MINDY3: variants seen among roughly 807,000 people sequenced by gnomAD.
MINDY3 encodes the protein ubiquitin carboxyl-terminal hydrolase MINDY-3.
Under a neutral mutation model 69.2 loss-of-function variants are expected in MINDY3, and 38 were observed. That is an observed-to-expected ratio of 0.55 (90% confidence interval 0.42 to 0.72). MINDY3 has a LOEUF of 0.72. Ranked by LOEUF, MINDY3 falls within the 30% of genes least tolerant of loss-of-function variation. The pLI, the probability that MINDY3 is intolerant of heterozygous loss-of-function variation, is 0.00. For missense variants in MINDY3, 522 were observed against 519.0 expected (o/e 1.01, Z -0.06); for synonymous variants, 192 against 180.1 (o/e 1.07, Z -0.53).
At chr10:15,845,853 C>T (rs1348918589) in intron 2 of MINDY3, among the ~76,000 whole-genome samples, 9 of 92,822 alleles carry the variant, frequency 9.7e-5, no homozygotes, top group African/African-American at 4.0e-4. Context: ...GACAGAGTTT[C>T]ACTCTTTCAC....
chr10:15,828,897 G>A (rs562966030), intron 8 of MINDY3, among the ~76,000 whole-genome samples: 10 of 152,280 alleles, frequency 6.6e-5, no homozygotes, highest in Admixed American at 3.3e-4. Context: ...ATAGTTACTC[G>A]TTGAAAATCC....
intron 10 of MINDY3, among the ~76,000 whole-genome samples, chr10:15,804,952 C>T (rs767472575): frequency 7.9e-5 from 12 of 152,092 alleles, no homozygotes; most frequent in Non-Finnish European, 1.6e-4. Context: ...CAATCTGTGT[C>T]GTATGGGCAG....
At chr10:15,840,435 G>A (rs1833388255) in intron 4 of MINDY3, among the ~76,000 whole-genome samples, 1 of 151,598 alleles carries the variant, frequency 6.6e-6, no homozygotes, top group Admixed American at 6.6e-5. Flanking sequence ...CAGGCTTAAG[G>A]CATTTTAACT....
chr10:15,852,575 T>A (rs1403795103), intron 1 of MINDY3, among the ~76,000 whole-genome samples: 2 of 152,076 alleles, frequency 1.3e-5, no homozygotes, highest in African/African-American at 4.8e-5. Context: ...ACTGAGCTCC[T>A]AGAAAGGAAA....
chr10:15,787,943 C>T (rs561492846), intron 12 of MINDY3, among the ~76,000 whole-genome samples: 16 of 152,134 alleles, frequency 1.1e-4, no homozygotes, highest in Middle Eastern at 3.4e-3. Flanking sequence ...TACTTCAGTC[C>T]AATCTTTCAA....
At chr10:15,824,453 C>G (rs1464316860) in intron 8 of MINDY3, among the ~76,000 whole-genome samples, 1 of 152,042 alleles carries the variant, frequency 6.6e-6, no homozygotes, top group Admixed American at 6.6e-5. Context: ...ACATGAAAAA[C>G]ATTGATTATT....
intron 8 of MINDY3, among the ~76,000 whole-genome samples, chr10:15,827,337 T>G (rs2132028858): frequency 6.6e-6 from 1 of 151,678 alleles, no homozygotes; most frequent in East Asian, 1.9e-4. Flanking sequence ...AGGTTGGGAG[T>G]TCGAGACCAG....
intron 13 of MINDY3, 124 bp from the exon 14 acceptor site, chr10:15,782,350 A>T (rs1341056270): frequency 1.5e-6 from 1 of 669,898 alleles, no homozygotes; most frequent in African/African-American, 1.9e-5. Context: ...CATTTGACAA[A>T]AGAAGGAACT....
intron 6 of MINDY3, among the ~76,000 whole-genome samples, chr10:15,835,970 T>C (rs1037093413): frequency 6.6e-6 from 1 of 152,100 alleles, no homozygotes; most frequent in Non-Finnish European, 1.5e-5. Flanking sequence ...ATTTAAGATA[T>C]CTTTTATCAA....
intron 10 of MINDY3, among the ~76,000 whole-genome samples, chr10:15,814,719 T>C (rs1839237712): frequency 6.6e-6 from 1 of 151,958 alleles, no homozygotes; most frequent in Non-Finnish European, 1.5e-5. Flanking sequence ...GAAAACAGTA[T>C]GGGAATTAGA....
rs781293959 is a variant in MINDY3, at chr10:15,779,153, A to G, written c.1189-12T>C. ...TCTACGTACATGACCTGTTGAACAA[A>G]ATAAAGCCACCAAGGTCAAGCAACA... On this transcript the variant is annotated splice_polypyrimidine_tract_variant and intron_variant, in intron 14 of 14. Transcript: ENST00000277632. 26 of 1,609,526 alleles carry G rather than the reference A, an allele frequency of 1.6e-5. No homozygotes were observed. Among genetic ancestry groups the G allele is most frequent in the South Asian group, 3.3e-5 (3 of 90,146 alleles).
At position 15,834,544 on chromosome 10, in the gene MINDY3, TGCCATGTCCATATACAG is replaced by T; in HGVS notation, c.632_648del (p.Pro211GlnfsTer6). The T allele has an allele frequency of 6.2e-7, 1 of 1,605,790 alleles. No homozygotes were observed. Among genetic ancestry groups the T allele is most frequent in the Non-Finnish European group, 8.5e-7 (1 of 1,175,302 alleles). ...AGACAAGAGATTTTAGTTAATTACC[TGCCATGTCCATATACAG>T]GATCTATCAAGGGTTCACTTGCATC... is the stretch of plus-strand genomic sequence containing the variant. On this transcript the variant is annotated frameshift_variant and splice_region_variant, in exon 7 of 15. Transcript: ENST00000277632. LOFTEE classifies it high-confidence loss of function.
chr10:15,814,701 G>A lies in MINDY3; in HGVS notation c.882+2134C>T, dbSNP rs41289289. Among the ~76,000 whole-genome samples, 663 of 152,228 alleles carry A rather than the reference G, an allele frequency of 4.4e-3. 5 individuals are homozygous for A. The highest frequency in any genetic ancestry group is 0.01 in the Middle Eastern group (3 of 294). On this transcript the variant is annotated intron_variant, in intron 10 of 14. Coordinates refer to ENST00000277632, the MANE Select transcript of MINDY3 (RefSeq NM_024948.4). ...AGACAAAGTTCACTGGCTGCCATGGGACACGCAGAAAACAGTATGGGAATT... is the reference window on the plus strand; with the variant it reads ...AGACAAAGTTCACTGGCTGCCATGGAACACGCAGAAAACAGTATGGGAATT...
intron 8 of MINDY3, among the ~76,000 whole-genome samples, chr10:15,830,047 T>C (rs983505982): frequency 3.9e-5 from 6 of 152,170 alleles, no homozygotes; most frequent in South Asian, 2.1e-4. Flanking sequence ...AGCAACTCAT[T>C]AGATACATGA....
intron 9 of MINDY3, among the ~76,000 whole-genome samples, chr10:15,819,859 T>G (rs1411098305): frequency 6.6e-6 from 1 of 152,198 alleles, no homozygotes; most frequent in Non-Finnish European, 1.5e-5. Flanking sequence ...AGCGATTGAC[T>G]TCCCACTAAG....
In MINDY3 at chr10:15,860,469, G is replaced by A. The variant is rs757926075; in HGVS notation, c.-170C>T. On this transcript the variant is annotated 5_prime_UTR_variant, in exon 1 of 15. Transcript: ENST00000277632. ...CACTTGCAGAGACCAAGCCTGTCAA[G>A]CCAGGTTGGGGCAGCAGCGAGTTTT... The A allele has an allele frequency of 1.6e-6, 1 of 638,690 alleles. No individual in the cohort carries two copies. Among genetic ancestry groups the A allele is most frequent in the Non-Finnish European group, 2.8e-6 (1 of 362,694 alleles). 39.6% of individuals were successfully genotyped at this position (638,690 alleles called of 1,614,324 possible).
Position 15,847,918 on chromosome 10 carries a change from T to A in MINDY3, c.120A>T (p.Gly40=). The A allele has an allele frequency of 1.2e-6, 2 of 1,613,974 alleles. No individual in the cohort carries two copies. Among genetic ancestry groups the A allele is most frequent in the Non-Finnish European group, 1.7e-6 (2 of 1,179,914 alleles). ...TQGFVFSESE[G]SALEQFEGGP... is the part of the protein sequence containing the mutation. ...CACCTTCAAACTGTTCTAATGCAGA[T>A]CCCTCTGATTCACTAAACACAAACC... The change falls in exon 2 of 15, where the codon GGA becomes GGT. Residue 40 remains glycine (G), a synonymous_variant. Coordinates refer to ENST00000277632, the MANE Select transcript of MINDY3 (RefSeq NM_024948.4).
chr10:15,829,977 C>G (rs934971599), intron 8 of MINDY3, among the ~76,000 whole-genome samples: 2 of 152,136 alleles, frequency 1.3e-5, no homozygotes, highest in Non-Finnish European at 2.9e-5. Flanking sequence ...GGCACAGTGT[C>G]CTGCGGTACC....
At chr10:15,838,391 T>G (rs1322797225) in intron 4 of MINDY3, 112 bp from the exon 5 acceptor site, 2 of 808,774 alleles carry the variant, frequency 2.5e-6, no homozygotes, top group Admixed American at 6.5e-5. Context: ...ATTTCCTTAC[T>G]CCCTTAAAAT....
Sources: gnomAD v4.1 joint callset for allele counts (sites outside exome capture counted in the v4.1 genomes callset) on GRCh38, gnomAD v4.1.1 for gene constraint, MANE v1.5 for transcripts, NCBI Gene and HGNC (gene_info 2026-07-23, HGNC 2026-07-21) for gene names.